The following TRHDE variants were observed in gnomAD, a reference collection of about 807,000 sequenced individuals.
TRHDE encodes the protein thyrotropin-releasing hormone-degrading ectoenzyme.
TRHDE carries 72 observed loss-of-function variants against 125.7 expected under a neutral mutation model. That is an observed-to-expected ratio of 0.57 (90% confidence interval 0.47 to 0.70). The LOEUF (loss-of-function observed/expected upper bound fraction) is 0.70. Among genes scored for constraint, TRHDE ranks in the 30% least tolerant of loss-of-function variants. The probability of loss-of-function intolerance (pLI) is 0.00; values close to 1 mark genes in which losing one functional copy is unlikely to be tolerated. For synonymous variants in TRHDE, 509 were observed against 509.1 expected, an observed-to-expected ratio of 1.00 and a Z score of 0.00; for missense variants, 1,110 against 1,327.1, an observed-to-expected ratio of 0.84 and a Z score of 2.54.
chr12:72,167,068 A>C (rs1019601715), intron 2 of TRHDE, among the ~76,000 whole-genome samples: 1 of 152,090 alleles, frequency 6.6e-6, no homozygotes, highest in African/African-American at 2.4e-5. Context: ...GGGCTGAGGC[A>C]TGTGTCCTTT....
rs192082947 is a variant in TRHDE, at chr12:72,343,773, G to T, written c.1189-34222G>T. ...TGAAACTTAAAAGATATAAAGGAAG[G>T]GTTGAACTTCCTAAAATGAACTTCT... On this transcript the variant is annotated intron_variant, in intron 2 of 18. Transcript: ENST00000261180. Among the ~76,000 whole-genome samples, 722 of 152,096 alleles carry T rather than the reference G, an allele frequency of 4.7e-3. 2 individuals carry two copies. The highest frequency in any genetic ancestry group is 7.9e-3 in the Non-Finnish European group (540 of 67,978).
chr12:72,345,360 G>T (rs1032408722), intron 2 of TRHDE, among the ~76,000 whole-genome samples: 32 of 152,064 alleles, frequency 2.1e-4, no homozygotes, highest in Non-Finnish European at 4.7e-4. Context: ...TTACTAACAT[G>T]ATGTCATTGA....
intron 7 of TRHDE, among the ~76,000 whole-genome samples, chr12:72,551,959 C>T (rs1457263145): frequency 6.6e-6 from 1 of 151,728 alleles, no homozygotes; most frequent in Non-Finnish European, 1.5e-5. Flanking sequence ...GAGGGAGGAG[C>T]CCTACAAAGG....
intron 15 of TRHDE, among the ~76,000 whole-genome samples, chr12:72,633,073 T>C (rs1873566555): frequency 6.6e-6 from 1 of 152,064 alleles, no homozygotes; most frequent in Non-Finnish European, 1.5e-5. Flanking sequence ...CAATTTTATA[T>C]ATGGAACTTA....
chr12:72,562,350 T>C, intron 8 of TRHDE, 120 bp downstream of exon 8: 2 of 502,546 alleles, frequency 4.0e-6, no homozygotes. Context: ...CATTTTTCAT[T>C]TGTTCATATT....
At chr12:72,308,345 T>G (rs1280716849) in intron 2 of TRHDE, among the ~76,000 whole-genome samples, 1 of 152,150 alleles carries the variant, frequency 6.6e-6, no homozygotes, top group Non-Finnish European at 1.5e-5. Context: ...ATGTGGACAA[T>G]TCATTCATTT....
At chr12:72,224,166 G>GTATGTATGTATCTATCTATC (rs1406586507) in intron 2 of TRHDE, among the ~76,000 whole-genome samples, 3 of 62,896 alleles carry the variant, frequency 4.8e-5, no homozygotes, top group South Asian at 4.8e-4. Context: ...ATGTATGTAT[G>GTATGTATGTATCTATCTATC]TATCTATCTA....
At chr12:72,371,114 A>T (rs1260877119) in intron 2 of TRHDE, among the ~76,000 whole-genome samples, 1 of 152,074 alleles carries the variant, frequency 6.6e-6, no homozygotes, top group Non-Finnish European at 1.5e-5. Flanking sequence ...TTATTTGGTC[A>T]GAACTGTTGT....
intron 15 of TRHDE, among the ~76,000 whole-genome samples, chr12:72,648,990 T>G (rs1481297018): frequency 1.3e-5 from 2 of 152,138 alleles, no homozygotes; most frequent in East Asian, 3.9e-4. Context: ...ATCTACAGAT[T>G]TAATGCAATT....
At chr12:72,089,939 G>A (rs116771176) in intron 1 of TRHDE, among the ~76,000 whole-genome samples, 3,808 of 152,210 alleles carry the variant, frequency 0.025, 163 homozygotes, top group African/African-American at 0.087. Context: ...ATAGATGATG[G>A]ATGACTAAAG....
At chr12:72,567,857 T>C (rs1435156651) in intron 9 of TRHDE, among the ~76,000 whole-genome samples, 1 of 152,096 alleles carries the variant, frequency 6.6e-6, no homozygotes, top group Non-Finnish European at 1.5e-5. Context: ...TGTATAAGTA[T>C]AGGCCTCAAT....
At chr12:72,247,921 CTATT>C (rs1447388213) in intron 2 of TRHDE, among the ~76,000 whole-genome samples, 2 of 152,062 alleles carry the variant, frequency 1.3e-5, no homozygotes, top group East Asian at 1.9e-4. Context: ...ATGTATCTAT[CTATT>C]ATCTATCATC....
intron 2 of TRHDE, among the ~76,000 whole-genome samples, chr12:72,348,155 A>T (rs981137764): frequency 6.6e-6 from 1 of 152,044 alleles, no homozygotes; most frequent in African/African-American, 2.4e-5. Flanking sequence ...CACATTGTGG[A>T]ATGGCTAAAT....
At chr12:72,590,022 A>G (rs1007429271) in intron 12 of TRHDE, among the ~76,000 whole-genome samples, 2 of 152,076 alleles carry the variant, frequency 1.3e-5, no homozygotes, top group African/African-American at 2.4e-5. Context: ...ATTTAAAGCC[A>G]TAAAATTTCC....
chr12:72,352,669 AG>A (rs1870635160), intron 2 of TRHDE, among the ~76,000 whole-genome samples: 1 of 151,802 alleles, frequency 6.6e-6, no homozygotes, highest in African/African-American at 2.4e-5. Flanking sequence ...CATAAAGTTT[AG>A]GGTTCATTGC....
chr12:72,180,128 A>G (rs527647777), intron 2 of TRHDE, among the ~76,000 whole-genome samples: 2 of 151,980 alleles, frequency 1.3e-5, no homozygotes, highest in South Asian at 4.1e-4. Context: ...TTGTTCTTTT[A>G]TTATCTCAGC....
chr12:72,359,141 C>A (rs1592567368), intron 2 of TRHDE, among the ~76,000 whole-genome samples: 1 of 131,948 alleles, frequency 7.6e-6, no homozygotes, highest in Non-Finnish European at 1.6e-5. Context: ...TAACACTAGA[C>A]AAGTTATTAC....
At chr12:72,226,539 T>G (rs1878131413) in intron 2 of TRHDE, among the ~76,000 whole-genome samples, 1 of 152,220 alleles carries the variant, frequency 6.6e-6, no homozygotes, top group Non-Finnish European at 1.5e-5. Flanking sequence ...TATAAATTAC[T>G]TCTGTTTAGT....
At chr12:72,226,245 A>G (rs1249899692) in intron 2 of TRHDE, among the ~76,000 whole-genome samples, 1 of 152,188 alleles carries the variant, frequency 6.6e-6, no homozygotes, top group Non-Finnish European at 1.5e-5. Context: ...GTGAGGTTCC[A>G]GAGGTAGATT....
Sources: gnomAD v4.1 joint callset for allele counts (sites outside exome capture counted in the v4.1 genomes callset) on GRCh38, gnomAD v4.1.1 for gene constraint, MANE v1.5 for transcripts, NCBI Gene and HGNC (gene_info 2026-07-23, HGNC 2026-07-21) for gene names.